Variants in COL26A1 observed in about 807,000 individuals in gnomAD.
COL26A1 encodes the protein collagen type XXVI alpha 1 chain, also known as collagen alpha-1(XXVI) chain.
COL26A1 carries 41 observed loss-of-function variants against 59.3 expected under a neutral mutation model. The ratio of observed to expected loss-of-function variants is 0.69; its 90% CI spans 0.54 to 0.90. COL26A1 has a LOEUF of 0.90. Ranked by LOEUF, COL26A1 falls within the 40% of genes least tolerant of loss-of-function variation. The probability of loss-of-function intolerance (pLI) is 0.00; values close to 1 mark genes in which losing one functional copy is unlikely to be tolerated. For synonymous variants in COL26A1, 266 were observed against 256.0 expected, an observed-to-expected ratio of 1.04 and a Z score of -0.37; for missense variants, 612 against 602.3, an observed-to-expected ratio of 1.02 and a Z score of -0.17.
At chr7:101,418,975 C>T (rs540302032) in intron 1 of COL26A1, among the ~76,000 whole-genome samples, 1 of 151,736 alleles carries the variant, frequency 6.6e-6, no homozygotes, top group African/African-American at 2.4e-5. Context: ...TTCCTTCAGC[C>T]TTCTGGCTCT....
intron 12 of COL26A1, among the ~76,000 whole-genome samples, chr7:101,556,798 G>A (rs1411413637): frequency 6.6e-6 from 1 of 151,868 alleles, no homozygotes; most frequent in East Asian, 1.9e-4. Context: ...AGGTAGGTGG[G>A]TGAATAAGTG....
At chr7:101,376,597 C>T (rs142266301) in intron 1 of COL26A1, among the ~76,000 whole-genome samples, 3 of 152,266 alleles carry the variant, frequency 2.0e-5, no homozygotes, top group Admixed American at 6.5e-5. Flanking sequence ...CTGAGCCCAC[C>T]CTTGCTGCTG....
In COL26A1 at chr7:101,489,284, G is replaced by A. The variant is rs565707962; in HGVS notation, c.385+41497G>A. 1.1e-4 allele frequency among the ~76,000 whole-genome samples: 16 copies of A among 152,270 alleles called. No homozygotes were observed. The South Asian group carries it at 2.9e-3, about 28-fold the overall frequency. On this transcript the variant is annotated intron_variant, in intron 3 of 12. Transcript: ENST00000313669. ...CTCAGCCAAAGGCACTGTCCCACAT[G>A]AAGTTAGAATATGTGGAGTCCAGCT...
At chr7:101,501,946 TC>T (rs1000617855) in intron 3 of COL26A1, among the ~76,000 whole-genome samples, 1 of 151,980 alleles carries the variant, frequency 6.6e-6, no homozygotes, top group Non-Finnish European at 1.5e-5. Flanking sequence ...CGTGTGCAGC[TC>T]CAAAATCTTC....
intron 3 of COL26A1, among the ~76,000 whole-genome samples, chr7:101,512,536 C>T (rs1026970177): frequency 2.0e-5 from 3 of 151,998 alleles, no homozygotes; most frequent in African/African-American, 7.3e-5. Context: ...GCAGGAGGGT[C>T]GCCTGAGTCC....
At chr7:101,418,824 C>T (rs1792438632) in intron 1 of COL26A1, among the ~76,000 whole-genome samples, 1 of 151,952 alleles carries the variant, frequency 6.6e-6, no homozygotes, top group African/African-American at 2.4e-5. Flanking sequence ...TTAACCTGAT[C>T]CCGTATTGTT....
intron 1 of COL26A1, among the ~76,000 whole-genome samples, chr7:101,372,556 G>C (rs1427714230): frequency 2.6e-5 from 4 of 152,202 alleles, no homozygotes; most frequent in Non-Finnish European, 5.9e-5. Context: ...CTTCTCAGAG[G>C]AGTCAACATA....
intron 3 of COL26A1, among the ~76,000 whole-genome samples, chr7:101,480,424 T>C (rs1339390546): frequency 6.6e-6 from 1 of 152,228 alleles, no homozygotes; most frequent in Non-Finnish European, 1.5e-5. Context: ...ACACATGTCA[T>C]ATTTTATTTC....
At chr7:101,550,446 G>GC (rs1355427078) in intron 9 of COL26A1, among the ~76,000 whole-genome samples, 1 of 152,176 alleles carries the variant, frequency 6.6e-6, no homozygotes, top group African/African-American at 2.4e-5. Flanking sequence ...GGGTGACAGA[G>GC]CAAGACCCTG....
chr7:101,554,222 G>T lies in COL26A1; in HGVS notation c.1080+846G>T, dbSNP rs558420682. Among the ~76,000 whole-genome samples the T allele has an allele frequency of 1.3e-3, 198 of 152,280 alleles. 1 individual carries two copies. The highest frequency in any genetic ancestry group is 4.5e-3 in the African/African-American group (188 of 41,566). The stretch of plus-strand genomic sequence containing the variant: ...GAAAGCTAAAAGCGAAAGTGCCTGA[G>T]CAGGGTTTCCCTTGAGTGTGTCAAA... On this transcript the variant is annotated intron_variant, in intron 11 of 12. Transcript: ENST00000313669.
chr7:101,442,798 G>A (rs142326176), intron 2 of COL26A1, among the ~76,000 whole-genome samples: 2 of 152,240 alleles, frequency 1.3e-5, no homozygotes, highest in East Asian at 1.9e-4. Context: ...GTGTGTGACT[G>A]TGAGTGTGCA....
intron 3 of COL26A1, among the ~76,000 whole-genome samples, chr7:101,500,187 C>T (rs543300391): frequency 2.0e-4 from 31 of 152,318 alleles, no homozygotes; most frequent in Middle Eastern, 3.4e-3. Context: ...GCAACGTCCC[C>T]GCCTCTCTCG....
intron 1 of COL26A1, among the ~76,000 whole-genome samples, chr7:101,364,136 C>A (rs1003531439): frequency 1.3e-5 from 2 of 152,122 alleles, no homozygotes; most frequent in African/African-American, 4.8e-5. Context: ...ACCCCCGGGA[C>A]GCTCAGGGCT....
At chr7:101,502,545 G>T (rs1794726767) in intron 3 of COL26A1, among the ~76,000 whole-genome samples, 1 of 152,228 alleles carries the variant, frequency 6.6e-6, no homozygotes. Context: ...TGCCAAGCTG[G>T]AGGCTAAGGC....
At chr7:101,432,850 T>C (rs1584402756) in intron 2 of COL26A1, among the ~76,000 whole-genome samples, 1 of 151,976 alleles carries the variant, frequency 6.6e-6, no homozygotes, top group East Asian at 1.9e-4. Flanking sequence ...TTAGAGGTAT[T>C]TGCCACCACA....
intron 1 of COL26A1, among the ~76,000 whole-genome samples, chr7:101,402,524 A>G (rs1418787683): frequency 1.3e-5 from 2 of 150,296 alleles, no homozygotes; most frequent in Non-Finnish European, 3.0e-5. Context: ...TGAAAATTCT[A>G]TTTTCTCTTT....
At chr7:101,439,986 C>T (rs531420678) in intron 2 of COL26A1, among the ~76,000 whole-genome samples, 5 of 152,182 alleles carry the variant, frequency 3.3e-5, no homozygotes, top group Middle Eastern at 3.4e-3. Context: ...CAACTGAGTG[C>T]GGCCTTAAGG....
intron 3 of COL26A1, among the ~76,000 whole-genome samples, chr7:101,495,499 C>A (rs2130543188): frequency 6.6e-6 from 1 of 152,022 alleles, no homozygotes; most frequent in South Asian, 2.1e-4. Context: ...AGCTCCGCCT[C>A]CCAGGTTCAC....
At chr7:101,531,203 C>A (rs1795361756) in intron 3 of COL26A1, among the ~76,000 whole-genome samples, 1 of 152,156 alleles carries the variant, frequency 6.6e-6, no homozygotes, top group African/African-American at 2.4e-5. Flanking sequence ...GATCTCCTGA[C>A]CTCATGATCC....
Sources: allele counts gnomAD v4.1 joint callset (sites outside exome capture counted in the v4.1 genomes callset), GRCh38; gene constraint gnomAD v4.1.1; transcripts MANE v1.5; gene names NCBI Gene and HGNC (gene_info 2026-07-23, HGNC 2026-07-21).